C2CD5: variants seen among roughly 807,000 people sequenced by gnomAD.
C2CD5 encodes the protein C2 domain-containing protein 5.
C2CD5 carries 109 observed loss-of-function variants against 130.3 expected under a neutral mutation model. That is an observed-to-expected ratio of 0.84 (90% CI 0.72 to 0.98). C2CD5 has a LOEUF of 0.98. Ranked by LOEUF, C2CD5 falls within the 50% of genes least tolerant of loss-of-function variation. C2CD5 has a pLI of 0.00. For missense variants in C2CD5, 996 were observed against 1,261.8 expected (o/e 0.79, Z 3.19); for synonymous variants, 454 against 429.2 (o/e 1.06, Z -0.71).
chr12:22,456,071 T>G lies in C2CD5; in HGVS notation c.2877+900A>C, dbSNP rs565881908. ...TTATTTGCACAAAAACATATTGTGT[T>G]TATTCCATGCCAGCTACTGTGCTAG... On this transcript the variant is annotated intron_variant, in intron 25 of 26. Transcript: ENST00000446597. Among the ~76,000 whole-genome samples, 18 of 152,336 alleles carry G rather than the reference T, an allele frequency of 1.2e-4. No individual in the cohort carries two copies. In the South Asian group the frequency reaches 3.7e-3, roughly 32 times the overall value.
chr12:22,505,781 G>T (rs1591891682), intron 10 of C2CD5, among the ~76,000 whole-genome samples: 1 of 152,150 alleles, frequency 6.6e-6, no homozygotes, highest in South Asian at 2.1e-4. Context: ...ATGTTTTAAA[G>T]AAGTAAGCTA....
rs1938027762 is a variant in C2CD5 at position 22,449,305 on chromosome 12, T to G, written c.*455A>C. On this transcript the variant is annotated 3_prime_UTR_variant, in exon 27 of 27. Coordinates refer to ENST00000446597, the MANE Select transcript of C2CD5 (RefSeq NM_001286176.2). ...AATACAACACATTCAGAAATCTACA[T>G]AGCAGTTTTCTGAAAACTTTTCTCC... The G allele has an allele frequency of 6.6e-6, 1 of 152,622 alleles. No homozygotes were observed. The highest frequency in any genetic ancestry group is 2.4e-5 in the African/African-American group (1 of 41,448). 9.5% of individuals were successfully genotyped at this position (152,622 alleles called of 1,614,324 possible). A position where few individuals can be genotyped will look rare whatever the true frequency, so the allele number is the denominator to read the frequency against.
intron 3 of C2CD5, chr12:22,534,607 C>CTGATACA (rs1341733563): frequency 6.6e-6 from 1 of 152,164 alleles, no homozygotes; most frequent in Non-Finnish European, 1.5e-5. Flanking sequence ...GAATAAAATT[C>CTGATACA]TGATACATGT....
intron 2 of C2CD5, among the ~76,000 whole-genome samples, chr12:22,538,816 T>C (rs1952069094): frequency 6.6e-6 from 1 of 152,208 alleles, no homozygotes; most frequent in African/African-American, 2.4e-5. Flanking sequence ...TCTCTGCCTT[T>C]GTAAATTTTA....
chr12:22,506,761 C>G lies in C2CD5; in HGVS notation c.1097G>C (p.Gly366Ala), dbSNP rs757065645. 1 of 1,612,474 alleles carries G rather than the reference C, an allele frequency of 6.2e-7. No homozygotes were observed. Among genetic ancestry groups the G allele is most frequent in the East Asian group, 2.2e-5 (1 of 44,838 alleles). The change falls in exon 10 of 27, where the codon GGT (glycine) becomes GCT (alanine). Residue 366 changes from glycine (G) to alanine (A), a missense_variant. This residue lies in a region of C2CD5 where 156 missense variants were observed against 165.9 expected (regional missense o/e 0.94). Coordinates refer to ENST00000446597, the MANE Select transcript of C2CD5 (RefSeq NM_001286176.2). ...FPPGFLVHVG[G>A]VVSARSVKLL... Reference sequence around the variant, plus strand: ...CTTCACAGAACGTGCACTAACTACACCCCCAACGTGTACAAGGAATCCAGG... The same window carrying G: ...CTTCACAGAACGTGCACTAACTACAGCCCCAACGTGTACAAGGAATCCAGG...
In C2CD5 at chr12:22,472,666, A is replaced by G. The variant is rs192743400; in HGVS notation, c.2107+78T>C. 117 of 864,178 alleles carry G rather than the reference A, an allele frequency of 1.4e-4. 2 individuals are homozygous for G. Among genetic ancestry groups the G allele is most frequent in the African/African-American group, 1.3e-3 (76 of 60,042 alleles). 53.5% of individuals were successfully genotyped at this position (864,178 alleles called of 1,614,324 possible). A position where few individuals can be genotyped will look rare whatever the true frequency, so the allele number is the denominator to read the frequency against. On this transcript the variant is annotated intron_variant, in intron 17 of 26. Coordinates refer to ENST00000446597, the MANE Select transcript of C2CD5 (RefSeq NM_001286176.2). Reference sequence around the variant, plus strand: ...TGATAAGTCCTTCTTTTAAAGTAAAATTAGTACTGTAACAATTATGAGCTA... The same window carrying G: ...TGATAAGTCCTTCTTTTAAAGTAAAGTTAGTACTGTAACAATTATGAGCTA...
chr12:22,496,682 TTA>T (rs1156372643), intron 10 of C2CD5, among the ~76,000 whole-genome samples: 1 of 149,318 alleles, frequency 6.7e-6, no homozygotes, highest in Non-Finnish European at 1.5e-5. Context: ...TATATACAAA[TTA>T]TATATTTTAT....
At chr12:22,536,884 T>C (rs1327795113) in intron 2 of C2CD5, among the ~76,000 whole-genome samples, 3 of 152,100 alleles carry the variant, frequency 2.0e-5, no homozygotes, top group African/African-American at 7.2e-5. Context: ...TGAAACTTAA[T>C]GAGGAAAAAG....
At chr12:22,457,252 C>A in intron 24 of C2CD5, 91 bp from the exon 25 acceptor site, 1 of 820,604 alleles carries the variant, frequency 1.2e-6, no homozygotes. Flanking sequence ...TGACAACATT[C>A]AGCTGTCTGT....
chr12:22,457,129 C>A lies in C2CD5; in HGVS notation c.2719G>T (p.Asp907Tyr). Residue 907 changes from aspartate to tyrosine, a missense_variant, in exon 25 of 27, where the codon GAT (aspartate) becomes TAT (tyrosine). Transcript: ENST00000446597. ...MTVEKASPVGDGNFRNRSAPP... is the reference protein window; with the variant it reads ...MTVEKASPVGYGNFRNRSAPP... ...GCAGAACGATTCCGGAAATTTCCAT[C>A]ACCCACTGGACTTGCTTTTTCAACT... The A allele has an allele frequency of 6.2e-7, 1 of 1,608,964 alleles. No homozygotes were observed.
intron 19 of C2CD5, among the ~76,000 whole-genome samples, chr12:22,471,727 A>G (rs970616766): frequency 5.9e-5 from 9 of 152,036 alleles, no homozygotes; most frequent in South Asian, 2.1e-4. Flanking sequence ...AAATATACAC[A>G]TATACACTAG....
chr12:22,475,086 A>G (rs965324395), intron 15 of C2CD5, among the ~76,000 whole-genome samples, 195 bp from the exon 16 acceptor site: 1 of 152,156 alleles, frequency 6.6e-6, no homozygotes, highest in African/African-American at 2.4e-5. Flanking sequence ...CACGAATCAG[A>G]AAAATATATA....
Position 22,474,875 on chromosome 12 carries a change from A to G in C2CD5, c.1919T>C (p.Ile640Thr). The stretch of plus-strand genomic sequence containing the variant: ...AGGTTCTGGGATGGGTGATCCTATA[A>G]TCTCTTCAGATATCTCCTAAAAGAA... ...EINPPEISEE[I>T]IGSPIPEPRQ... The change falls in exon 16 of 27, where the codon ATT (isoleucine) becomes ACT (threonine). Residue 640 changes from isoleucine to threonine, a missense_variant. By Grantham distance (89) the Ile-to-Thr change is moderately conservative (BLOSUM62 -1). This residue lies in a region of C2CD5 where 590 missense variants were observed against 631.4 expected (regional missense o/e 0.93). Coordinates refer to ENST00000446597, the MANE Select transcript of C2CD5 (RefSeq NM_001286176.2). 6.3e-7 allele frequency: 1 copy of G among 1,590,406 alleles called. No homozygotes were observed. Among genetic ancestry groups the G allele is most frequent in the Non-Finnish European group, 8.6e-7 (1 of 1,166,328 alleles).
intron 12 of C2CD5, among the ~76,000 whole-genome samples, chr12:22,486,498 C>T (rs1945541596): frequency 6.6e-6 from 1 of 152,172 alleles, no homozygotes; most frequent in Admixed American, 6.6e-5. Flanking sequence ...AGCTATCAGT[C>T]ATGACTTCAA....
intron 10 of C2CD5, among the ~76,000 whole-genome samples, chr12:22,506,150 T>C (rs913198259): frequency 2.0e-5 from 3 of 152,116 alleles, no homozygotes; most frequent in Non-Finnish European, 4.4e-5. Flanking sequence ...CTCTGCTACC[T>C]ATCTGTTCCT....
chr12:22,507,615 A>G (rs1948712301), intron 9 of C2CD5, among the ~76,000 whole-genome samples: 1 of 152,214 alleles, frequency 6.6e-6, no homozygotes, highest in South Asian at 2.1e-4. Flanking sequence ...ATAGGACCCA[A>G]TAAGAAAACG....
intron 3 of C2CD5, among the ~76,000 whole-genome samples, chr12:22,530,691 A>G (rs983476009): frequency 3.9e-5 from 6 of 152,042 alleles, no homozygotes; most frequent in Non-Finnish European, 7.4e-5. Context: ...CCTGGATCTC[A>G]GGTGATTCGC....
At chr12:22,471,347 A>G in intron 20 of C2CD5, 52 bp downstream of exon 20, 2 of 989,436 alleles carry the variant, frequency 2.0e-6, no homozygotes, top group Non-Finnish European at 3.2e-6. Flanking sequence ...CAGATAATGA[A>G]AATAATAAAA....
At position 22,454,082 on chromosome 12, in the gene C2CD5, T is replaced by C. The variant is rs745545463; in HGVS notation, c.2878-40A>G. On this transcript the variant is annotated intron_variant, in intron 25 of 26. Coordinates refer to ENST00000446597, the MANE Select transcript of C2CD5 (RefSeq NM_001286176.2). ...ACAGGAAAATCATACTATATATACATGTGTATGGATATAGGAATGCACACA... is the reference window on the plus strand; with the variant it reads ...ACAGGAAAATCATACTATATATACACGTGTATGGATATAGGAATGCACACA... 2.7e-6 allele frequency: 4 copies of C among 1,509,192 alleles called. No individual in the cohort carries two copies. In the South Asian group the frequency reaches 4.6e-5, roughly 17 times the overall value. 93.5% of individuals were successfully genotyped at this position (1,509,192 alleles called of 1,614,324 possible). A position where few individuals can be genotyped will look rare whatever the true frequency, so the allele number is the denominator to read the frequency against.
Sources: gnomAD v4.1 joint callset for allele counts (sites outside exome capture counted in the v4.1 genomes callset) on GRCh38, gnomAD v4.1.1 for gene constraint, gnomAD v4.1.1 regional missense constraint, MANE v1.5 for transcripts, NCBI Gene and HGNC (gene_info 2026-07-23, HGNC 2026-07-21) for gene names.